Variants in TUB observed in about 807,000 individuals in gnomAD.
TUB encodes the protein tubby protein homolog.
TUB carries 33 observed loss-of-function variants against 59.7 expected under a neutral mutation model. The observed-to-expected ratio is 0.55, with a 90% CI of 0.42 to 0.74. The LOEUF is 0.74. TUB is among the 30% of genes least tolerant of loss of function. The pLI is 0.00. For synonymous variants in TUB, 293 were observed against 256.4 expected (o/e 1.14, Z -1.36); for missense variants, 659 against 672.0 (o/e 0.98, Z 0.21).
At chr11:8,026,455 A>G (rs1442521333) in intron 1 of TUB, among the ~76,000 whole-genome samples, 4 of 127,972 alleles carry the variant, frequency 3.1e-5, no homozygotes, top group Non-Finnish European at 6.5e-5. Flanking sequence ...AACTTTTTGC[A>G]TATGGTATGA....
chr11:8,097,853 C>T (rs201554057), intron 8 of TUB, 27 bp downstream of exon 8: 186 of 1,543,892 alleles, frequency 1.2e-4, no homozygotes, highest in African/African-American at 7.9e-4. Flanking sequence ...AGGAAGCAGG[C>T]GGGAGTGGGA....
At chr11:8,070,402 C>T (rs1353142271) in intron 2 of TUB, among the ~76,000 whole-genome samples, 1 of 152,054 alleles carries the variant, frequency 6.6e-6, no homozygotes, top group Non-Finnish European at 1.5e-5. Context: ...TAAATGAGAT[C>T]TTTTTCATTC....
chr11:8,055,370 C>T (rs1362738566), intron 2 of TUB, among the ~76,000 whole-genome samples: 1 of 152,178 alleles, frequency 6.6e-6, no homozygotes, highest in South Asian at 2.1e-4. Flanking sequence ...AAGGGGTGTA[C>T]CCCTGAGATG....
intron 2 of TUB, among the ~76,000 whole-genome samples, chr11:8,070,621 C>T (rs1278906804): frequency 1.3e-5 from 2 of 152,130 alleles, no homozygotes; most frequent in African/African-American, 4.8e-5. Flanking sequence ...ATCAATGCCC[C>T]CCTCAGGAAC....
intron 2 of TUB, among the ~76,000 whole-genome samples, chr11:8,049,574 T>TAGATAG (rs1554923425): frequency 7.8e-5 from 7 of 89,750 alleles, no homozygotes; most frequent in African/African-American, 2.9e-4. Flanking sequence ...TATATATATA[T>TAGATAG]ATATATAGAT....
At chr11:8,041,816 C>T (rs115469360) in intron 2 of TUB, among the ~76,000 whole-genome samples, 362 of 152,296 alleles carry the variant, frequency 2.4e-3, no homozygotes, top group African/African-American at 7.8e-3. Flanking sequence ...CCTGCTTTCT[C>T]TAGTCCTGGT....
In TUB at chr11:8,102,689, T is replaced by A. The variant is rs1375071606; in HGVS notation, c.*1070T>A. The A allele has an allele frequency of 6.6e-6, 1 of 152,132 alleles. No individual in the cohort carries two copies. The highest frequency in any genetic ancestry group is 1.5e-5 in the Non-Finnish European group (1 of 68,018). The allele number at this position is 152,132 out of a possible 1,614,324, so 9.4% of individuals were successfully genotyped here. ...AACCATGTAGGTTCTTGGGAGGGAA[T>A]GGGACAGGGTGAATAAAGCAGGGAA... is the stretch of plus-strand genomic sequence containing the variant. On this transcript the variant is annotated 3_prime_UTR_variant, in exon 12 of 12. Coordinates refer to ENST00000299506, the MANE Select transcript of TUB (RefSeq NM_177972.3).
At chr11:8,097,081 A>C in intron 6 of TUB, 147 bp from the exon 7 acceptor site, 1 of 896,592 alleles carries the variant, frequency 1.1e-6, no homozygotes, top group Non-Finnish European at 1.7e-6. Flanking sequence ...ATAGCTTCTG[A>C]CCCCAGGCCC....
chr11:8,040,189 AG>A (rs1390087617), intron 2 of TUB, among the ~76,000 whole-genome samples: 9 of 152,278 alleles, frequency 5.9e-5, no homozygotes, highest in African/African-American at 2.2e-4. Flanking sequence ...TAACATCAGG[AG>A]GTGGGTCTTG....
rs774376549 is a variant in TUB at position 8,090,239 on chromosome 11, T to C, written c.253+8T>C. 2 of 1,611,408 alleles carry C rather than the reference T, an allele frequency of 1.2e-6. No individual in the cohort carries two copies. Among genetic ancestry groups the C allele is most frequent in the Non-Finnish European group, 1.7e-6 (2 of 1,178,692 alleles). On this transcript the variant is annotated splice_region_variant and intron_variant, in intron 3 of 11. Coordinates refer to ENST00000299506, the MANE Select transcript of TUB (RefSeq NM_177972.3). ...GCAGCACCAGCTACCAAGGTATACCTTGCCTGCTGCCCCACATCCCGTCAC... is the reference window on the plus strand; with the variant it reads ...GCAGCACCAGCTACCAAGGTATACCCTGCCTGCTGCCCCACATCCCGTCAC...
intron 2 of TUB, among the ~76,000 whole-genome samples, chr11:8,042,315 T>C (rs1942764475): frequency 6.6e-6 from 1 of 152,242 alleles, no homozygotes; most frequent in Admixed American, 6.5e-5. Flanking sequence ...ACTTCATTTC[T>C]TTTTATTGCT....
upstream of TUB, among the ~76,000 whole-genome samples, chr11:8,080,764 C>T (rs1943535148): frequency 6.6e-6 from 1 of 152,148 alleles, no homozygotes; most frequent in Non-Finnish European, 1.5e-5. Flanking sequence ...GTTCCCCAGG[C>T]GGGGGTGTGG....
chr11:8,073,926 A>G (rs550704723), intron 2 of TUB, among the ~76,000 whole-genome samples: 47 of 136,406 alleles, frequency 3.4e-4, no homozygotes, highest in African/African-American at 1.1e-3. Flanking sequence ...GTAGTTCAGC[A>G]TCATCCTTCC....
intron 4 of TUB, among the ~76,000 whole-genome samples, chr11:8,094,555 T>G (rs562704740): frequency 6.6e-5 from 10 of 152,214 alleles, no homozygotes; most frequent in Non-Finnish European, 1.3e-4. Context: ...GGCTGACTGC[T>G]TCCCAGGCAG....
At chr11:8,084,359 T>C (rs772583982) in intron 1 of TUB, among the ~76,000 whole-genome samples, 1 of 152,240 alleles carries the variant, frequency 6.6e-6, no homozygotes, top group Non-Finnish European at 1.5e-5. Context: ...AGTTTAACAA[T>C]TGGAATGTTT....
intron 3 of TUB, 51 bp downstream of exon 3, chr11:8,090,282 C>T: frequency 6.3e-7 from 1 of 1,596,382 alleles, no homozygotes; most frequent in Non-Finnish European, 8.5e-7. Context: ...GGGAGCCCGT[C>T]ACTTCCTGCC....
intron 8 of TUB, 32 bp downstream of exon 8, chr11:8,097,858 G>A: frequency 6.3e-7 from 1 of 1,575,836 alleles, no homozygotes; most frequent in Non-Finnish European, 8.7e-7. Context: ...GCAGGCGGGA[G>A]TGGGAGGGAG....
At chr11:8,076,187 C>G (rs1378651054) in intron 2 of TUB, 1 of 152,166 alleles carries the variant, frequency 6.6e-6, no homozygotes, top group East Asian at 1.9e-4. Flanking sequence ...CTCATGTGTG[C>G]TTTGCCCTGC....
At chr11:8,091,459 C>T (rs1205678674) in intron 3 of TUB, among the ~76,000 whole-genome samples, 3 of 152,208 alleles carry the variant, frequency 2.0e-5, no homozygotes, top group Non-Finnish European at 4.4e-5. Flanking sequence ...CACAGGAACT[C>T]ATTATCCTCA....
Sources: gnomAD v4.1 joint callset for allele counts (sites outside exome capture counted in the v4.1 genomes callset) on GRCh38, gnomAD v4.1.1 for gene constraint, MANE v1.5 for transcripts, NCBI Gene and HGNC (gene_info 2026-07-23, HGNC 2026-07-21) for gene names.